The following EIPR1 variants were observed in gnomAD, a reference collection of about 807,000 sequenced individuals.
EIPR1 encodes EARP complex and GARP complex interacting protein 1.
Under a neutral mutation model 48.1 loss-of-function variants are expected in EIPR1, and 25 were observed. That is an observed-to-expected ratio of 0.52 (90% CI 0.38 to 0.73). The LOEUF (loss-of-function observed/expected upper bound fraction) is 0.73. Among genes scored for constraint, EIPR1 ranks in the 30% least tolerant of loss-of-function variants. The pLI is 0.00. For synonymous variants in EIPR1, 204 were observed against 201.9 expected (o/e 1.01, Z -0.09); for missense variants, 415 against 506.2 (o/e 0.82, Z 1.73).
At chr2:3,210,196 A>G (rs912052371) in intron 5 of EIPR1, among the ~76,000 whole-genome samples, 40 of 152,274 alleles carry the variant, frequency 2.6e-4, no homozygotes, top group Admixed American at 8.5e-4. Context: ...AAAAAGAGAT[A>G]AACTTTTGCT....
At chr2:3,262,135 G>C (rs1667352835) in intron 3 of EIPR1, 1 of 152,278 alleles carries the variant, frequency 6.6e-6, no homozygotes, top group Non-Finnish European at 1.5e-5. Flanking sequence ...AATGCACGCT[G>C]TCCTATCCCA....
At chr2:3,365,876 C>T (rs900112119) in intron 1 of EIPR1, among the ~76,000 whole-genome samples, 4 of 152,078 alleles carry the variant, frequency 2.6e-5, no homozygotes, top group African/African-American at 9.7e-5. Context: ...ATGTCTACCT[C>T]TTTCTACACA....
intron 5 of EIPR1, chr2:3,207,985 C>G (rs189192230): frequency 6.5e-6 from 1 of 152,824 alleles, no homozygotes; most frequent in African/African-American, 2.4e-5. Flanking sequence ...AAACAAATAT[C>G]CAAAACATAA....
intron 3 of EIPR1, chr2:3,320,489 C>G (rs1221472245): frequency 6.5e-6 from 1 of 153,070 alleles, no homozygotes; most frequent in Admixed American, 6.5e-5. Context: ...TGGGAGGGCA[C>G]AGACGCTCTC....
intron 4 of EIPR1, among the ~76,000 whole-genome samples, chr2:3,218,186 C>T (rs1665709296): frequency 6.6e-6 from 1 of 150,658 alleles, no homozygotes; most frequent in Admixed American, 6.6e-5. Flanking sequence ...CCAACACGGC[C>T]CTGATACGCT....
chr2:3,252,434 T>C (rs1469067228), intron 4 of EIPR1, among the ~76,000 whole-genome samples: 2 of 152,024 alleles, frequency 1.3e-5, no homozygotes, highest in African/African-American at 4.8e-5. Context: ...CTACTAAAAA[T>C]ACAAAAATTA....
At chr2:3,321,918 A>T (rs1229863169) in intron 3 of EIPR1, among the ~76,000 whole-genome samples, 1 of 152,240 alleles carries the variant, frequency 6.6e-6, no homozygotes, top group Non-Finnish European at 1.5e-5. Flanking sequence ...CACAAAGGCC[A>T]CGCTGCCCAC....
intron 5 of EIPR1, chr2:3,207,768 CTT>C (rs1665287682): frequency 6.6e-6 from 1 of 152,204 alleles, no homozygotes; most frequent in African/African-American, 2.4e-5. Context: ...CACCTAGCCA[CTT>C]TTGTTTTTTA....
At chr2:3,339,503 C>T (rs1039111358) in intron 2 of EIPR1, among the ~76,000 whole-genome samples, 4 of 152,176 alleles carry the variant, frequency 2.6e-5, no homozygotes, top group African/African-American at 7.2e-5. Context: ...CCGTCCAAAC[C>T]TCACGTCAAA....
At chr2:3,349,533 G>A (rs1365384547) in intron 2 of EIPR1, among the ~76,000 whole-genome samples, 3 of 152,242 alleles carry the variant, frequency 2.0e-5, no homozygotes, top group African/African-American at 7.2e-5. Flanking sequence ...TAAGGAGGAC[G>A]CTGGGAGACC....
At chr2:3,276,231 A>G (rs1030291740) in intron 3 of EIPR1, among the ~76,000 whole-genome samples, 6 of 152,230 alleles carry the variant, frequency 3.9e-5, no homozygotes, top group Non-Finnish European at 5.9e-5. Flanking sequence ...TGCAAATGCT[A>G]TATCAAAAAA....
At chr2:3,193,463 G>A (rs1476276174) in intron 7 of EIPR1, among the ~76,000 whole-genome samples, 1 of 152,190 alleles carries the variant, frequency 6.6e-6, no homozygotes, top group Non-Finnish European at 1.5e-5. Context: ...CATAAAAATG[G>A]ATTCATGCTA....
chr2:3,273,084 A>C (rs1371860543), intron 3 of EIPR1, among the ~76,000 whole-genome samples: 2 of 152,264 alleles, frequency 1.3e-5, no homozygotes, highest in Non-Finnish European at 2.9e-5. Context: ...CAGGGATGGA[A>C]GTAAAGGTTT....
At chr2:3,243,670 T>A (rs55733843) in intron 4 of EIPR1, among the ~76,000 whole-genome samples, 1,786 of 152,214 alleles carry the variant, frequency 0.012, 25 homozygotes, top group African/African-American at 0.025. Context: ...AAAATTTTTT[T>A]TAAAAATTTA....
chr2:3,252,655 T>C (rs1033290366), intron 4 of EIPR1, among the ~76,000 whole-genome samples: 1 of 152,000 alleles, frequency 6.6e-6, no homozygotes, highest in Non-Finnish European at 1.5e-5. Context: ...GGGCAGAGCA[T>C]GGTGACTTGA....
chr2:3,362,617 T>C (rs1305941329), intron 1 of EIPR1, among the ~76,000 whole-genome samples: 1 of 143,518 alleles, frequency 7.0e-6, no homozygotes, highest in Non-Finnish European at 1.5e-5. Flanking sequence ...CCCACTGCAC[T>C]CCAGCCTGGG....
intron 6 of EIPR1, among the ~76,000 whole-genome samples, chr2:3,196,193 A>G (rs994989003): frequency 6.6e-6 from 1 of 152,154 alleles, no homozygotes; most frequent in African/African-American, 2.4e-5. Context: ...AACTAAACCT[A>G]AAGTTGTGCC....
intron 3 of EIPR1, among the ~76,000 whole-genome samples, chr2:3,309,133 G>A (rs141912070): frequency 1.3e-5 from 2 of 152,272 alleles, no homozygotes; most frequent in Admixed American, 1.3e-4. Flanking sequence ...GATGGTTGGC[G>A]AAAAAATTAC....
At chr2:3,230,383 C>T (rs1666205050) in intron 4 of EIPR1, among the ~76,000 whole-genome samples, 1 of 152,156 alleles carries the variant, frequency 6.6e-6, no homozygotes, top group Admixed American at 6.5e-5. Context: ...GCAGAAAAGA[C>T]ACGCTGCAGC....
Sources: allele counts gnomAD v4.1 joint callset (sites outside exome capture counted in the v4.1 genomes callset), GRCh38; gene constraint gnomAD v4.1.1; transcripts MANE v1.5; gene names NCBI Gene and HGNC (gene_info 2026-07-23, HGNC 2026-07-21).